The following PDE1C variants were observed in gnomAD, a reference collection of about 807,000 sequenced individuals.
PDE1C encodes dual specificity calcium/calmodulin-dependent 3',5'-cyclic nucleotide phosphodiesterase 1C.
A neutral mutation model predicts 93.1 loss-of-function variants in PDE1C; 62 were observed. That is an observed-to-expected ratio of 0.67 (90% CI 0.54 to 0.82). The LOEUF (loss-of-function observed/expected upper bound fraction) is 0.82, where lower values mean the gene tolerates loss of function less well. PDE1C is among the 40% of genes least tolerant of loss of function. The pLI is 0.00. For missense variants in PDE1C, 742 were observed against 884.6 expected, an observed-to-expected ratio of 0.84 and a Z score of 2.04; for synonymous variants, 325 against 310.1, an observed-to-expected ratio of 1.05 and a Z score of -0.50.
the PDE1C span, among the ~76,000 whole-genome samples, chr7:31,683,404 C>A: frequency 7.2e-6 from 1 of 139,776 alleles, no homozygotes; most frequent in Non-Finnish European, 1.6e-5. Context: ...CAATTCATAT[C>A]TGAAAGATTA....
At chr7:31,942,808 C>T (rs1001146865) in intron 2 of PDE1C, among the ~76,000 whole-genome samples, 2 of 152,154 alleles carry the variant, frequency 1.3e-5, no homozygotes, top group African/African-American at 4.8e-5. Context: ...TAAATTTCAT[C>T]CAGTTGAGCC....
chr7:32,063,205 G>A (rs1795012390), intron 1 of PDE1C, among the ~76,000 whole-genome samples: 1 of 152,214 alleles, frequency 6.6e-6, no homozygotes, highest in South Asian at 2.1e-4. Flanking sequence ...ATTGTAATGT[G>A]CCTTATATTT....
the PDE1C span, among the ~76,000 whole-genome samples, chr7:31,639,029 G>A: frequency 2.4e-4 from 36 of 152,126 alleles, no homozygotes; most frequent in African/African-American, 7.0e-4. Context: ...TGCCTGCCTC[G>A]GCCTCCCAAA....
intron 9 of PDE1C, among the ~76,000 whole-genome samples, chr7:31,845,925 G>A (rs1294644577): frequency 2.6e-5 from 4 of 152,170 alleles, no homozygotes; most frequent in African/African-American, 7.2e-5. Flanking sequence ...TTTGGGAAGC[G>A]AAGGTTGCAG....
the PDE1C span, among the ~76,000 whole-genome samples, chr7:31,677,276 G>A: frequency 2.6e-5 from 4 of 151,972 alleles, no homozygotes; most frequent in African/African-American, 7.3e-5. Flanking sequence ...CCAAAGCACA[G>A]AAAAGAAGAA....
rs2128874244 is a variant in PDE1C, at chr7:31,878,053, G to A, written c.426-17C>T. ...CTATACATTCTGAAAAGCCAAAAGG[G>A]AAAAATGCAACATGATATCTTATAA... On this transcript the variant is annotated splice_polypyrimidine_tract_variant and intron_variant, in intron 4 of 17. Transcript: ENST00000396191. 3 of 1,580,156 alleles carry A rather than the reference G, an allele frequency of 1.9e-6. No individual in the cohort carries two copies. Among genetic ancestry groups the A allele is most frequent in the Non-Finnish European group, 2.6e-6 (3 of 1,151,086 alleles).
At chr7:32,399,026 C>A (rs2128094988) in intron 1 of PDE1C, among the ~76,000 whole-genome samples, 1 of 152,226 alleles carries the variant, frequency 6.6e-6, no homozygotes, top group Middle Eastern at 3.4e-3. Context: ...GGGAGGGGCC[C>A]TGATTTGTGG....
At chr7:31,881,001 G>A in intron 2 of PDE1C, 141 bp from the exon 3 acceptor site, 2 of 619,516 alleles carry the variant, frequency 3.2e-6, no homozygotes, top group South Asian at 4.1e-5. Flanking sequence ...TGGGACCAAA[G>A]GAGCAGGTAA....
At chr7:32,220,863 A>G (rs1190929632) in intron 1 of PDE1C, among the ~76,000 whole-genome samples, 1 of 152,042 alleles carries the variant, frequency 6.6e-6, no homozygotes, top group Non-Finnish European at 1.5e-5. Flanking sequence ...AATTCCACAT[A>G]TCATGCATGG....
chr7:31,640,103 G>A, the PDE1C span, among the ~76,000 whole-genome samples: 5 of 152,242 alleles, frequency 3.3e-5, no homozygotes, highest in African/African-American at 9.6e-5. Flanking sequence ...TTCAGGTCTT[G>A]CTTTTAAGGC....
At chr7:32,152,056 T>C (rs572489607) in intron 3 of PDE1C, among the ~76,000 whole-genome samples, 3 of 152,352 alleles carry the variant, frequency 2.0e-5, no homozygotes, top group Admixed American at 6.5e-5. Flanking sequence ...TCTAGGTTCC[T>C]TGAGGGCAAC....
intron 1 of PDE1C, among the ~76,000 whole-genome samples, chr7:32,057,914 C>T (rs145612563): frequency 1.3e-5 from 2 of 152,276 alleles, no homozygotes; most frequent in African/African-American, 4.8e-5. Flanking sequence ...AACATTGATG[C>T]TAAATTATGA....
At chr7:32,414,582 C>G (rs1349953578) in intron 1 of PDE1C, among the ~76,000 whole-genome samples, 1 of 152,138 alleles carries the variant, frequency 6.6e-6, no homozygotes, top group Non-Finnish European at 1.5e-5. Flanking sequence ...TCAACTCATT[C>G]TGACATATTA....
chr7:31,620,043 C>G, the PDE1C span, among the ~76,000 whole-genome samples: 1 of 152,140 alleles, frequency 6.6e-6, no homozygotes, highest in Non-Finnish European at 1.5e-5. Flanking sequence ...AAGGTGGCAG[C>G]GAGGCTGGGG....
chr7:32,181,389 T>C (rs1206455445), intron 2 of PDE1C, among the ~76,000 whole-genome samples: 2 of 152,192 alleles, frequency 1.3e-5, no homozygotes, highest in African/African-American at 4.8e-5. Flanking sequence ...ACTGACCACA[T>C]AGTTGGAAGT....
rs144812330 is a variant in PDE1C at position 31,790,346 on chromosome 7, T to C, written c.1892-14614A>G. 16 of 1,136,458 alleles carry C rather than the reference T, an allele frequency of 1.4e-5. No homozygotes were observed. In the African/African-American group the frequency reaches 2.3e-4, roughly 17 times the overall value. The allele number at this position is 1,136,458 out of a possible 1,614,324, so 70.4% of individuals were successfully genotyped here. On this transcript the variant is annotated intron_variant, in intron 16 of 17. Coordinates refer to ENST00000396191, the MANE Select transcript of PDE1C (RefSeq NM_001191057.4). ...CCCTCCAAGTCTGAGGAGAAGGAAA[T>C]CTAGGGGACCAAAAAAAATGGGATA... is the stretch of plus-strand genomic sequence containing the variant.
chr7:32,009,192 C>T (rs1204816566), intron 2 of PDE1C, among the ~76,000 whole-genome samples: 1 of 152,170 alleles, frequency 6.6e-6, no homozygotes, highest in Non-Finnish European at 1.5e-5. Context: ...GAAACAAAGA[C>T]AGGGAGCCCT....
chr7:31,770,801 C>T (rs574633817), intron 17 of PDE1C, among the ~76,000 whole-genome samples: 6 of 152,240 alleles, frequency 3.9e-5, no homozygotes, highest in African/African-American at 1.4e-4. Flanking sequence ...CCAGCCGTTT[C>T]CTTCTAAGAT....
At chr7:32,408,432 C>G (rs577492390) in intron 1 of PDE1C, among the ~76,000 whole-genome samples, 2 of 152,236 alleles carry the variant, frequency 1.3e-5, no homozygotes, top group South Asian at 4.2e-4. Flanking sequence ...CAGCCCACTC[C>G]CTGGTAAATA....
Sources: gnomAD v4.1 joint callset for allele counts (sites outside exome capture counted in the v4.1 genomes callset) on GRCh38, gnomAD v4.1.1 for gene constraint, MANE v1.5 for transcripts, NCBI Gene and HGNC (gene_info 2026-07-23, HGNC 2026-07-21) for gene names.